DSCAM: variants seen among roughly 807,000 people sequenced by gnomAD.
DSCAM encodes cell adhesion molecule DSCAM.
A neutral mutation model predicts 217.7 loss-of-function variants in DSCAM; 47 were observed. The observed-to-expected ratio is 0.22, with a 90% CI of 0.17 to 0.28. The LOEUF is 0.28. Among genes scored for constraint, DSCAM ranks in the 10% least tolerant of loss-of-function variants. The pLI, the probability that DSCAM is intolerant of heterozygous loss-of-function variation, is 1.00. For synonymous variants in DSCAM, 1,056 were observed against 1,015.3 expected (o/e 1.04, Z -0.76); for missense variants, 2,080 against 2,618.3 (o/e 0.79, Z 4.49).
intron 3 of DSCAM, among the ~76,000 whole-genome samples, chr21:40,506,014 C>T (rs2076207573): frequency 6.6e-6 from 1 of 152,202 alleles, no homozygotes; most frequent in Non-Finnish European, 1.5e-5. Flanking sequence ...TATAAAGTCA[C>T]TGCTGCAAAG....
intron 3 of DSCAM, among the ~76,000 whole-genome samples, chr21:40,497,659 GGTTA>G (rs2076130028): frequency 1.3e-5 from 2 of 152,238 alleles, no homozygotes; most frequent in African/African-American, 4.8e-5. Flanking sequence ...GTAATGCATA[GGTTA>G]ATTAGCTCAA....
intron 3 of DSCAM, among the ~76,000 whole-genome samples, chr21:40,538,978 C>T (rs1282615810): frequency 1.3e-5 from 2 of 152,080 alleles, no homozygotes; most frequent in Admixed American, 6.6e-5. Context: ...AAAAACGTGT[C>T]CTTTAGAGGA....
chr21:40,240,356 T>TTTTTG (rs1301171272), intron 11 of DSCAM, among the ~76,000 whole-genome samples: 4 of 133,384 alleles, frequency 3.0e-5, no homozygotes, highest in Non-Finnish European at 6.4e-5. Flanking sequence ...CTGGTTTTTT[T>TTTTTG]TTTTTTTTTT....
intron 3 of DSCAM, among the ~76,000 whole-genome samples, chr21:40,373,847 C>A (rs958821682): frequency 1.3e-5 from 2 of 152,152 alleles, no homozygotes; most frequent in Non-Finnish European, 2.9e-5. Context: ...AGCTGTGTGG[C>A]CTCAGTCTAG....
At chr21:40,112,468 A>G (rs1028287219) in intron 20 of DSCAM, among the ~76,000 whole-genome samples, 1 of 152,206 alleles carries the variant, frequency 6.6e-6, no homozygotes, top group Non-Finnish European at 1.5e-5. Context: ...AAAGCAGGAA[A>G]GATCTAAAAT....
At chr21:40,614,844 T>G (rs2089366996) in intron 3 of DSCAM, among the ~76,000 whole-genome samples, 12 of 152,206 alleles carry the variant, frequency 7.9e-5, no homozygotes, top group Admixed American at 7.9e-4. Flanking sequence ...CAGGATTACA[T>G]GATATACATT....
chr21:40,375,418 C>T (rs2074940489), intron 3 of DSCAM, among the ~76,000 whole-genome samples: 1 of 152,270 alleles, frequency 6.6e-6, no homozygotes, highest in African/African-American at 2.4e-5. Context: ...CTCTCTCCTT[C>T]TTCCACCATA....
At chr21:40,244,454 A>G (rs999433472) in intron 11 of DSCAM, among the ~76,000 whole-genome samples, 17 of 123,674 alleles carry the variant, frequency 1.4e-4, no homozygotes, top group South Asian at 2.5e-4. Context: ...CCGTCTCCGG[A>G]AAAAAAAAAA....
chr21:40,112,827 A>C (rs2146640344), intron 20 of DSCAM, among the ~76,000 whole-genome samples: 1 of 152,314 alleles, frequency 6.6e-6, no homozygotes, highest in East Asian at 1.9e-4. Flanking sequence ...AGAAATGGTA[A>C]AATTCCTTGA....
At chr21:40,217,799 CAT>C (rs1472948798) in intron 11 of DSCAM, among the ~76,000 whole-genome samples, 5 of 152,076 alleles carry the variant, frequency 3.3e-5, no homozygotes, top group East Asian at 3.9e-4. Context: ...TTGTTGGCCA[CAT>C]ATATGTCTTC....
intron 3 of DSCAM, among the ~76,000 whole-genome samples, chr21:40,492,648 C>G (rs1043226195): frequency 6.6e-6 from 1 of 150,502 alleles, no homozygotes; most frequent in Non-Finnish European, 1.5e-5. Flanking sequence ...AAGAAAGAAT[C>G]TGTGAACTTA....
rs116603804 is a variant in DSCAM at position 40,155,907 on chromosome 21, G to A, written c.3019-11176C>T. Among the ~76,000 whole-genome samples the A allele has an allele frequency of 1.2e-3, 188 of 151,812 alleles. 1 individual carries two copies. Among genetic ancestry groups the A allele is most frequent in the African/African-American group, 4.3e-3 (178 of 41,416 alleles). ...TGGAACGAAACAGGCCCTTTCCACTGGGGAGGGCAGGGCGTGGGAAGCTGG... is the reference window on the plus strand; with the variant it reads ...TGGAACGAAACAGGCCCTTTCCACTAGGGAGGGCAGGGCGTGGGAAGCTGG... On this transcript the variant is annotated intron_variant, in intron 16 of 32. Transcript: ENST00000400454.
chr21:40,539,412 C>T (rs1033411507), intron 3 of DSCAM, among the ~76,000 whole-genome samples: 12 of 151,776 alleles, frequency 7.9e-5, no homozygotes, highest in Admixed American at 5.9e-4. Context: ...AGGAGAATGG[C>T]GTGAACCCGG....
chr21:40,392,643 G>C (rs955835095), intron 3 of DSCAM, among the ~76,000 whole-genome samples: 1 of 152,142 alleles, frequency 6.6e-6, no homozygotes, highest in African/African-American at 2.4e-5. Context: ...ACGCAGAAGG[G>C]AAAGAAGCCA....
At chr21:40,502,191 A>T (rs994650004) in intron 3 of DSCAM, among the ~76,000 whole-genome samples, 1 of 152,158 alleles carries the variant, frequency 6.6e-6, no homozygotes, top group Non-Finnish European at 1.5e-5. Flanking sequence ...CATCAATAAA[A>T]ATTACTAATA....
intron 3 of DSCAM, among the ~76,000 whole-genome samples, chr21:40,592,789 T>C (rs1019029360): frequency 6.6e-6 from 1 of 152,172 alleles, no homozygotes; most frequent in Non-Finnish European, 1.5e-5. Flanking sequence ...CACCATGGAT[T>C]ATATGTTTAT....
At chr21:40,699,334 A>C (rs1048810566) in intron 2 of DSCAM, among the ~76,000 whole-genome samples, 1 of 152,168 alleles carries the variant, frequency 6.6e-6, no homozygotes, top group Admixed American at 6.5e-5. Flanking sequence ...TTTTTGAGAC[A>C]CAACAATACT....
Position 40,366,090 on chromosome 21 carries a change from T to C in DSCAM, c.655+3009A>G, listed in dbSNP as rs2074829584. On this transcript the variant is annotated intron_variant, in intron 4 of 32. Transcript: ENST00000400454. ...TGATATTTTTCTTTATCTTTACAGC[T>C]CAAAAATTTTATTAGACTATGTTGC... is the stretch of plus-strand genomic sequence containing the variant. 2.6e-5 allele frequency among the ~76,000 whole-genome samples: 4 copies of C among 152,300 alleles called. No homozygotes were observed. In the South Asian group the frequency reaches 8.3e-4, roughly 32 times the overall value.
chr21:40,276,087 T>C lies in DSCAM; in HGVS notation c.2356+10A>G, dbSNP rs530077010. On this transcript the variant is annotated intron_variant, in intron 11 of 32. Transcript: ENST00000400454. Reference sequence around the variant, plus strand: ...AAACTAGGTAAAACGAAGCATTTCTTCTCTCTTACTTTTAACCGTGAGGTA... The same window carrying C: ...AAACTAGGTAAAACGAAGCATTTCTCCTCTCTTACTTTTAACCGTGAGGTA... 1 of 1,549,088 alleles carries C rather than the reference T, an allele frequency of 6.5e-7. No homozygotes were observed. Among genetic ancestry groups the C allele is most frequent in the East Asian group, 2.3e-5 (1 of 43,816 alleles).
Sources: gnomAD v4.1 joint callset for allele counts (sites outside exome capture counted in the v4.1 genomes callset) on GRCh38, gnomAD v4.1.1 for gene constraint, MANE v1.5 for transcripts, NCBI Gene and HGNC (gene_info 2026-07-23, HGNC 2026-07-21) for gene names.